The following N4BP2L1 variants were observed in gnomAD, a reference collection of about 807,000 sequenced individuals.
N4BP2L1 encodes NEDD4 binding protein 2 like 1, also known as NEDD4-binding protein 2-like 1.
A neutral mutation model predicts 21.2 loss-of-function variants in N4BP2L1; 12 were observed. The ratio of observed to expected loss-of-function variants is 0.57; its 90% CI spans 0.36 to 0.92. The LOEUF (loss-of-function observed/expected upper bound fraction) is 0.92, where lower values mean the gene tolerates loss of function less well. Ranked by LOEUF, N4BP2L1 falls within the 40% of genes least tolerant of loss-of-function variation. N4BP2L1 has a pLI of 0.01. For missense variants in N4BP2L1, 259 were observed against 310.6 expected, an observed-to-expected ratio of 0.83 and a Z score of 1.25; for synonymous variants, 104 against 112.8, an observed-to-expected ratio of 0.92 and a Z score of 0.49.
chr13:32,426,089 G>C (rs1425393518), intron 1 of N4BP2L1: 2 of 152,154 alleles, frequency 1.3e-5, no homozygotes, highest in Non-Finnish European at 2.9e-5. Context: ...GACCACTCAG[G>C]CAACGCCCTG....
intron 4 of N4BP2L1, 64 bp downstream of exon 4, chr13:32,404,257 T>C: frequency 6.3e-7 from 1 of 1,588,772 alleles, no homozygotes; most frequent in Non-Finnish European, 8.6e-7. Flanking sequence ...GATTCTTTTG[T>C]TCGGTCTGAA....
chr13:32,407,635 A>G lies in N4BP2L1; in HGVS notation c.307+10T>C. The G allele has an allele frequency of 6.2e-7, 1 of 1,612,662 alleles. No homozygotes were observed. ...AGGGTTTCCCAGGAGTTTGGGAAGG[A>G]ATTTGTCACCTCTTTTTTGGTTCCA... On this transcript the variant is annotated intron_variant, in intron 2 of 4. Coordinates refer to ENST00000380130, the MANE Select transcript of N4BP2L1 (RefSeq NM_052818.3).
chr13:32,421,167 T>C (rs746029327), intron 1 of N4BP2L1, among the ~76,000 whole-genome samples: 3 of 152,224 alleles, frequency 2.0e-5, no homozygotes, highest in Non-Finnish European at 4.4e-5. Context: ...TGCCTGGCCT[T>C]CTTTTAGGAG....
chr13:32,415,280 T>C (rs2074071151), intron 1 of N4BP2L1, among the ~76,000 whole-genome samples: 1 of 152,292 alleles, frequency 6.6e-6, no homozygotes, highest in South Asian at 2.1e-4. Flanking sequence ...CCCTGAAAAC[T>C]AGTTTTATAG....
intron 1 of N4BP2L1, among the ~76,000 whole-genome samples, chr13:32,422,976 GC>G (rs1477825639): frequency 1.4e-5 from 2 of 142,988 alleles, no homozygotes; most frequent in African/African-American, 5.3e-5. Context: ...ATTAATGAGA[GC>G]CCTGGCCTCA....
At chr13:32,409,724 G>C (rs2073741268) in intron 1 of N4BP2L1, among the ~76,000 whole-genome samples, 1 of 152,126 alleles carries the variant, frequency 6.6e-6, no homozygotes, top group Admixed American at 6.5e-5. Flanking sequence ...AGTTTGACTT[G>C]GTCCCTGAGG....
intron 1 of N4BP2L1, among the ~76,000 whole-genome samples, chr13:32,409,628 G>A (rs142591412): frequency 1.3e-3 from 200 of 152,314 alleles, no homozygotes; most frequent in African/African-American, 4.4e-3. Flanking sequence ...CACAGCCAGC[G>A]CAGCGCACAG....
At chr13:32,421,107 C>T (rs554359626) in intron 1 of N4BP2L1, among the ~76,000 whole-genome samples, 32 of 152,322 alleles carry the variant, frequency 2.1e-4, no homozygotes, top group African/African-American at 7.5e-4. Flanking sequence ...TCTCACATTG[C>T]GTTTCATGAA....
chr13:32,404,543 T>G, intron 3 of N4BP2L1, 146 bp from the exon 4 acceptor site: 1 of 634,108 alleles, frequency 1.6e-6, no homozygotes, highest in East Asian at 2.8e-5. Context: ...TCACAATAAA[T>G]GCAGTTGTTT....
chr13:32,404,476 A>G, intron 3 of N4BP2L1, 79 bp from the exon 4 acceptor site: 1 of 970,658 alleles, frequency 1.0e-6, no homozygotes, highest in East Asian at 2.6e-5. Flanking sequence ...TTTAACATTT[A>G]CTACAAATCT....
chr13:32,409,826 A>C (rs2073747616), intron 1 of N4BP2L1, among the ~76,000 whole-genome samples: 1 of 152,154 alleles, frequency 6.6e-6, no homozygotes, highest in Non-Finnish European at 1.5e-5. Context: ...GTAGGGGAGA[A>C]GGGGCTGCAG....
At position 32,402,716 on chromosome 13, in the gene N4BP2L1, A is replaced by G. The variant is rs2073214713; in HGVS notation, c.*226T>C. ...GGTTTCAAATTCTTACCCTAGAGAA[A>G]GAGACTGTTTACTCAAATCTGCAGA... On this transcript the variant is annotated 3_prime_UTR_variant, in exon 5 of 5. Transcript: ENST00000380130. The G allele has an allele frequency of 7.6e-7, 1 of 1,317,212 alleles. No individual in the cohort carries two copies. The allele number at this position is 1,317,212 out of a possible 1,614,324, so 81.6% of individuals were successfully genotyped here.
intron 1 of N4BP2L1, among the ~76,000 whole-genome samples, chr13:32,410,221 C>T (rs1326334599): frequency 6.6e-6 from 1 of 152,206 alleles, no homozygotes; most frequent in Non-Finnish European, 1.5e-5. Flanking sequence ...GGCGGAGTGC[C>T]CTAAGCAGGG....
intron 2 of N4BP2L1, 99 bp from the exon 3 acceptor site, chr13:32,407,437 C>T (rs1485183193): frequency 1.3e-6 from 2 of 1,598,058 alleles, no homozygotes; most frequent in Admixed American, 3.4e-5. Context: ...ATGCCCTCAT[C>T]TCCTCATCAC....
chr13:32,409,321 C>G (rs2073714434), intron 1 of N4BP2L1, among the ~76,000 whole-genome samples: 1 of 152,164 alleles, frequency 6.6e-6, no homozygotes, highest in Non-Finnish European at 1.5e-5. Flanking sequence ...CACTGAAATT[C>G]CAAACCAAAT....
chr13:32,427,615 G>C (rs1023311291), intron 1 of N4BP2L1, among the ~76,000 whole-genome samples: 1 of 152,096 alleles, frequency 6.6e-6, no homozygotes, highest in Non-Finnish European at 1.5e-5. Context: ...ACGGGAATCC[G>C]TCCCCCCCGG....
At chr13:32,406,259 T>G (rs530321559) in intron 3 of N4BP2L1, among the ~76,000 whole-genome samples, 5 of 151,872 alleles carry the variant, frequency 3.3e-5, no homozygotes, top group African/African-American at 4.8e-5. Context: ...CTAGACCCAA[T>G]AGGGAATGAA....
In N4BP2L1 at chr13:32,401,678, G is replaced by T. The variant is rs953009220; in HGVS notation, c.*1264C>A. On this transcript the variant is annotated 3_prime_UTR_variant, in exon 5 of 5. Coordinates refer to ENST00000380130, the MANE Select transcript of N4BP2L1 (RefSeq NM_052818.3). ...TATTGTTGAGTTTCTTGGCATTTAG[G>T]TAATTAAATTTTTTTATTGTTGAAC... 1.3e-5 allele frequency: 2 copies of T among 153,200 alleles called. No individual in the cohort carries two copies. Among genetic ancestry groups the T allele is most frequent in the African/African-American group, 4.8e-5 (2 of 41,352 alleles). 9.5% of individuals were successfully genotyped at this position (153,200 alleles called of 1,614,324 possible). A position where few individuals can be genotyped will look rare whatever the true frequency, so the allele number is the denominator to read the frequency against.
Position 32,427,975 on chromosome 13 carries a change from G to T in N4BP2L1, c.108C>A (p.Arg36=), listed in dbSNP as rs1439001820. The T allele has an allele frequency of 1.9e-6, 3 of 1,548,246 alleles. No homozygotes were observed. In the Admixed American group the frequency reaches 6.1e-5, roughly 32 times the overall value. The change falls in exon 1 of 5, where the codon CGC becomes CGA. Residue 36 remains arginine (R), a synonymous_variant. Transcript: ENST00000380130. ...AGAGGTGTTTCCTAAAGCTGTGGCG[G>T]CGAGGAGGTGTCCCCCGCGGGGGCG... The part of the protein sequence containing the change: ...PRPPPRGTPP[R]RHSFRKHLYL...
Sources: allele counts gnomAD v4.1 joint callset (sites outside exome capture counted in the v4.1 genomes callset), GRCh38; gene constraint gnomAD v4.1.1; transcripts MANE v1.5; gene names NCBI Gene and HGNC (gene_info 2026-07-23, HGNC 2026-07-21).